The following AMN1 variants were observed in gnomAD, a reference collection of about 807,000 sequenced individuals.
The protein encoded by AMN1 is protein AMN1 homolog.
A neutral mutation model predicts 33.0 loss-of-function variants in AMN1; 20 were observed. The observed-to-expected ratio is 0.61, with a 90% CI of 0.43 to 0.88. AMN1 has a LOEUF of 0.88. Among genes scored for constraint, AMN1 ranks in the 40% least tolerant of loss-of-function variants. AMN1 has a pLI of 0.00. For missense variants in AMN1, 246 were observed against 307.4 expected, an observed-to-expected ratio of 0.80 and a Z score of 1.49; for synonymous variants, 114 against 111.9, an observed-to-expected ratio of 1.02 and a Z score of -0.12.
intron 6 of AMN1, among the ~76,000 whole-genome samples, chr12:31,676,607 C>T (rs1018460493): frequency 2.0e-5 from 3 of 151,134 alleles, no homozygotes; most frequent in African/African-American, 4.9e-5. Context: ...CAGGTGTGAG[C>T]CACCGCGCCT....
rs756194363 is a variant in AMN1, at chr12:31,683,594, T to C, written c.703+5413A>G. ...TTCTTATGATAGTAAATAAGTCTCA[T>C]GAGATCTGATGGTTTTAAAAGGGGA... On this transcript the variant is annotated intron_variant, in intron 6 of 6. Coordinates refer to ENST00000281471, the MANE Select transcript of AMN1 (RefSeq NM_001113402.2). This position sits in a 1 kb window ranked among gnomAD's most constrained non-coding sequence, Gnocchi z 4.1. Among the ~76,000 whole-genome samples, 2 of 152,184 alleles carry C rather than the reference T, an allele frequency of 1.3e-5. No individual in the cohort carries two copies. The highest frequency in any genetic ancestry group is 2.9e-5 in the Non-Finnish European group (2 of 68,032).
intron 6 of AMN1, among the ~76,000 whole-genome samples, chr12:31,681,387 C>T (rs899913042): frequency 5.9e-5 from 9 of 152,066 alleles, no homozygotes; most frequent in South Asian, 2.1e-4. Flanking sequence ...CATCATCATG[C>T]CTGGCTAATT....
chr12:31,728,727 G>A (rs935220924), intron 1 of AMN1, among the ~76,000 whole-genome samples: 40 of 152,334 alleles, frequency 2.6e-4, no homozygotes, highest in Admixed American at 7.2e-4. Context: ...GCTGACGGAG[G>A]AATGGACGCT....
chr12:31,672,361 C>G lies in AMN1; in HGVS notation c.720G>C (p.Val240=). The G allele has an allele frequency of 6.4e-7, 1 of 1,574,260 alleles. No homozygotes were observed. Among genetic ancestry groups the G allele is most frequent in the Non-Finnish European group, 8.6e-7 (1 of 1,157,610 alleles). The part of the protein sequence containing the change: ...CPLITDHSRE[V]LEQLVGPNKL... Reference sequence around the variant, plus strand: ...TGTTTGGGCCTACTAATTGCTCCAACACTTCTCGGGAATGATCTATAAAAG... The same window carrying G: ...TGTTTGGGCCTACTAATTGCTCCAAGACTTCTCGGGAATGATCTATAAAAG... The change falls in exon 7 of 7, where the codon GTG becomes GTC. Residue 240 remains valine (V), a synonymous_variant. Coordinates refer to ENST00000281471, the MANE Select transcript of AMN1 (RefSeq NM_001113402.2).
chr12:31,682,699 T>G (rs538093890), intron 6 of AMN1, among the ~76,000 whole-genome samples: 5 of 152,256 alleles, frequency 3.3e-5, no homozygotes, highest in African/African-American at 1.2e-4. Context: ...AACAATTGGA[T>G]GTGTAAACAT....
chr12:31,718,459 G>A (rs1254634666), intron 1 of AMN1, among the ~76,000 whole-genome samples: 1 of 151,976 alleles, frequency 6.6e-6, no homozygotes, highest in African/African-American at 2.4e-5. Flanking sequence ...TCCCTTGCTG[G>A]CAAGGAGTTG....
chr12:31,700,656 A>G (rs1292897449), intron 3 of AMN1, among the ~76,000 whole-genome samples: 1 of 151,864 alleles, frequency 6.6e-6, no homozygotes, highest in Admixed American at 6.6e-5. Flanking sequence ...AGACGTATGT[A>G]TCCATGTTTT....
intron 3 of AMN1, among the ~76,000 whole-genome samples, chr12:31,699,589 ACT>A (rs990120043): frequency 5.3e-5 from 8 of 151,928 alleles, no homozygotes; most frequent in Non-Finnish European, 1.0e-4. Flanking sequence ...CACCCTATGT[ACT>A]CTTCATCTTG....
intron 5 of AMN1, among the ~76,000 whole-genome samples, chr12:31,695,648 G>A (rs934860272): frequency 1.3e-5 from 2 of 151,622 alleles, no homozygotes; most frequent in African/African-American, 4.8e-5. Context: ...ACCATGCCCA[G>A]CTAATTTTTT....
intron 5 of AMN1, among the ~76,000 whole-genome samples, chr12:31,692,888 G>A (rs1938564687): frequency 1.3e-5 from 2 of 152,026 alleles, no homozygotes; most frequent in African/African-American, 2.4e-5. Context: ...GTAATATAAG[G>A]CTAAGAATGT....
intron 6 of AMN1, among the ~76,000 whole-genome samples, chr12:31,688,294 G>A (rs1938355727): frequency 6.6e-6 from 1 of 152,170 alleles, no homozygotes; most frequent in South Asian, 2.1e-4. Context: ...TAGTTAACAA[G>A]TCATTTAGTG....
intron 1 of AMN1, among the ~76,000 whole-genome samples, chr12:31,716,005 C>G (rs1013798172): frequency 6.6e-6 from 1 of 152,210 alleles, no homozygotes; most frequent in Non-Finnish European, 1.5e-5. Flanking sequence ...ATGATATTTT[C>G]TTGTGGAATA....
rs188520867 is a variant in AMN1 at position 31,717,517 on chromosome 12, C to G, written c.39-8092G>C. On this transcript the variant is annotated intron_variant, in intron 1 of 6. Transcript: ENST00000281471. ...AATGGTATTCCTGGATAAACACATTCGTTATGAAGAAAGATTAAATAAATT... is the reference window on the plus strand; with the variant it reads ...AATGGTATTCCTGGATAAACACATTGGTTATGAAGAAAGATTAAATAAATT... Among the ~76,000 whole-genome samples the G allele has an allele frequency of 1.1e-4, 16 of 152,254 alleles. No individual in the cohort carries two copies. The East Asian group carries it at 3.1e-3, about 29-fold the overall frequency.
At chr12:31,689,640 G>A (rs750630282) in intron 5 of AMN1, among the ~76,000 whole-genome samples, 4 of 152,116 alleles carry the variant, frequency 2.6e-5, no homozygotes, top group Admixed American at 6.6e-5. Flanking sequence ...AATTTCACTC[G>A]TAGGCATTTA....
chr12:31,690,349 G>A (rs1938448385), intron 5 of AMN1, among the ~76,000 whole-genome samples: 1 of 152,162 alleles, frequency 6.6e-6, no homozygotes, highest in Non-Finnish European at 1.5e-5. Context: ...TTCAATAGTG[G>A]TTGTACTAGT....
chr12:31,687,647 C>T lies in AMN1; in HGVS notation c.703+1360G>A, dbSNP rs140286093. On this transcript the variant is annotated intron_variant, in intron 6 of 6. Transcript: ENST00000281471. This position sits in a 1 kb window ranked among gnomAD's most constrained non-coding sequence, Gnocchi z 4.1. ...GCAGTGAGCCAAGATTGCACCACTGCACTCCAGCCTCGGCGGGTGACAGAG... is the reference window on the plus strand; with the variant it reads ...GCAGTGAGCCAAGATTGCACCACTGTACTCCAGCCTCGGCGGGTGACAGAG... Among the ~76,000 whole-genome samples the T allele has an allele frequency of 2.6e-3, 396 of 150,924 alleles. 3 individuals are homozygous for T. Among genetic ancestry groups the T allele is most frequent in the Non-Finnish European group, 4.3e-3 (294 of 67,858 alleles).
At chr12:31,716,777 A>G (rs938270354) in intron 1 of AMN1, among the ~76,000 whole-genome samples, 1 of 152,140 alleles carries the variant, frequency 6.6e-6, no homozygotes, top group Non-Finnish European at 1.5e-5. Flanking sequence ...ATATTCCCCC[A>G]TTCCGTGGAT....
chr12:31,689,122 T>A lies in AMN1; in HGVS notation c.592-4A>T, dbSNP rs759631222. ...CACAATGTCCCATATGAATCTCCTA[T>A]GCAAAAATAAAGAAAATAAAGTCAA... On this transcript the variant is annotated splice_polypyrimidine_tract_variant and splice_region_variant and intron_variant, in intron 5 of 6. Coordinates refer to ENST00000281471, the MANE Select transcript of AMN1 (RefSeq NM_001113402.2). 1.9e-6 allele frequency: 3 copies of A among 1,590,474 alleles called. No homozygotes were observed. The highest frequency in any genetic ancestry group is 1.3e-5 in the African/African-American group (1 of 74,294).
chr12:31,701,834 A>T, intron 3 of AMN1, 29 bp downstream of exon 3: 1 of 1,560,146 alleles, frequency 6.4e-7, no homozygotes, highest in Non-Finnish European at 8.6e-7. Context: ...ATAGTAATCT[A>T]CCAATGTACT....
Sources: gnomAD v4.1 joint callset for allele counts (sites outside exome capture counted in the v4.1 genomes callset) on GRCh38, gnomAD v4.1.1 for gene constraint, Gnocchi (gnomAD v3.1) non-coding constraint, MANE v1.5 for transcripts, NCBI Gene and HGNC (gene_info 2026-07-23, HGNC 2026-07-21) for gene names.